TAB1: variants seen among roughly 807,000 people sequenced by gnomAD.
TAB1 encodes TGF-beta activated kinase 1 (MAP3K7) binding protein 1.
Under a neutral mutation model 54.5 loss-of-function variants are expected in TAB1, and 30 were observed. That is an observed-to-expected ratio of 0.55 (90% CI 0.41 to 0.75). TAB1 has a LOEUF of 0.75. Ranked by LOEUF, TAB1 falls within the 30% of genes least tolerant of loss-of-function variation. The pLI, the probability that TAB1 is intolerant of heterozygous loss-of-function variation, is 0.00. For synonymous variants in TAB1, 289 were observed against 286.9 expected, an observed-to-expected ratio of 1.01 and a Z score of -0.07; for missense variants, 609 against 683.2, an observed-to-expected ratio of 0.89 and a Z score of 1.21.
In TAB1 at chr22:39,415,145, G is replaced by A. The variant is rs1450939486; in HGVS notation, c.170+3G>A. On this transcript the variant is annotated splice_donor_region_variant and intron_variant, in intron 2 of 10. Coordinates refer to ENST00000216160, the MANE Select transcript of TAB1 (RefSeq NM_006116.3). The surrounding 1 kb of genome is among the most constrained non-coding windows in gnomAD (Gnocchi z 4.9). ...GAGGACAGCTGGCTCAAGTTCAGGT[G>A]TGTGTGCCAGCATTTCTGTGTTGGG... The A allele has an allele frequency of 1.3e-6, 2 of 1,573,528 alleles. No homozygotes were observed. Among genetic ancestry groups the A allele is most frequent in the South Asian group, 1.2e-5 (1 of 86,804 alleles).
chr22:39,409,603 TC>T (rs1926521828), intron 1 of TAB1, among the ~76,000 whole-genome samples: 1 of 152,194 alleles, frequency 6.6e-6, no homozygotes, highest in South Asian at 2.1e-4. Flanking sequence ...CTTTTTACGT[TC>T]CGCTCCCTCT....
chr22:39,410,177 A>AGC (rs2145661084), intron 1 of TAB1, among the ~76,000 whole-genome samples: 1 of 152,228 alleles, frequency 6.6e-6, no homozygotes, highest in African/African-American at 2.4e-5. Context: ...GTGTGATCTC[A>AGC]GCTCACTGCA....
intron 1 of TAB1, among the ~76,000 whole-genome samples, chr22:39,400,396 C>T (rs2037653554): frequency 6.6e-6 from 1 of 152,172 alleles, no homozygotes; most frequent in South Asian, 2.1e-4. Flanking sequence ...CCAGAAACCC[C>T]CTTAACCCCT....
At chr22:39,401,144 A>G (rs1011734702) in intron 1 of TAB1, among the ~76,000 whole-genome samples, 19 of 152,134 alleles carry the variant, frequency 1.2e-4, no homozygotes, top group African/African-American at 4.6e-4. Context: ...TGGGCACTCA[A>G]TAAATACATT....
chr22:39,433,687 C>G, downstream of TAB1: 1 of 984,570 alleles, frequency 1.0e-6, no homozygotes, highest in Middle Eastern at 5.2e-4. Context: ...AGAGCAGGCT[C>G]CCCACGATGC....
At chr22:39,425,559 CT>C (rs112880620) in intron 8 of TAB1, among the ~76,000 whole-genome samples, 284 of 144,330 alleles carry the variant, frequency 2.0e-3, no homozygotes, top group East Asian at 6.4e-3. Flanking sequence ...TTTTTCTTTT[CT>C]TTTTTTTTTT....
At position 39,426,930 on chromosome 22, in the gene TAB1, G is replaced by A. The variant is rs779339819; in HGVS notation, c.1144+5G>A. The stretch of plus-strand genomic sequence containing the variant: ...CCACACCGAGCCCAGCCCCAGGTAC[G>A]TGTGCTGTGCAGACAGGCAGTGCCT... On this transcript the variant is annotated splice_donor_5th_base_variant and intron_variant, in intron 9 of 10. Transcript: ENST00000216160. The A allele has an allele frequency of 1.2e-5, 20 of 1,609,546 alleles. No homozygotes were observed. The East Asian group carries it at 2.2e-4, about 18-fold the overall frequency.
downstream of TAB1, chr22:39,432,964 C>T (rs1488386241): frequency 2.0e-5 from 20 of 985,284 alleles, no homozygotes; most frequent in Admixed American, 1.2e-3. Flanking sequence ...AATGGCACAG[C>T]GAGGCGAAGC....
downstream of TAB1, chr22:39,432,800 A>G (rs1283400261): frequency 1.1e-5 from 11 of 985,074 alleles, no homozygotes; most frequent in African/African-American, 1.8e-4. Context: ...TGTTGACTTT[A>G]TGTCCCCTGT....
At position 39,421,942 on chromosome 22, in the gene TAB1, G is replaced by A. The variant is rs1927109175; in HGVS notation, c.892G>A (p.Ala298Thr). ...MSEGLYKALE[A>T]AHGPGQANQE... Reference sequence around the variant, plus strand: ...GGAGGGGTTGTACAAGGCCCTAGAGGCAGCCCATGGGCCTGGGCAGGCCAA... The same window carrying A: ...GGAGGGGTTGTACAAGGCCCTAGAGACAGCCCATGGGCCTGGGCAGGCCAA... Residue 298 changes from alanine to threonine, a missense_variant, in exon 8 of 11, where the codon GCA becomes ACA. By Grantham distance (58) the Ala-to-Thr change is moderately conservative (BLOSUM62 0). Transcript: ENST00000216160. The A allele has an allele frequency of 1.3e-6, 2 of 1,597,184 alleles. No homozygotes were observed. Among genetic ancestry groups the A allele is most frequent in the East Asian group, 2.3e-5 (1 of 44,412 alleles).
At chr22:39,417,601 A>T in intron 4 of TAB1, 110 bp from the exon 5 acceptor site, 1 of 1,119,128 alleles carries the variant, frequency 8.9e-7, no homozygotes, top group East Asian at 2.7e-5. Flanking sequence ...AGCCTGGGGG[A>T]CACAGCGAGA....
intron 6 of TAB1, among the ~76,000 whole-genome samples, chr22:39,419,297 T>A (rs954922464): frequency 6.6e-6 from 1 of 152,110 alleles, no homozygotes; most frequent in Non-Finnish European, 1.5e-5. Context: ...TGCCAGGTGG[T>A]GCCTGGAGGA....
intron 9 of TAB1, 83 bp from the exon 10 acceptor site, chr22:39,427,938 C>A: frequency 7.4e-7 from 1 of 1,352,592 alleles, no homozygotes; most frequent in Non-Finnish European, 1.0e-6. Context: ...ACCACCCCAT[C>A]AGGCCATGGA....
chr22:39,401,224 C>T (rs1926130727), intron 1 of TAB1, among the ~76,000 whole-genome samples: 1 of 152,186 alleles, frequency 6.6e-6, no homozygotes, highest in African/African-American at 2.4e-5. Flanking sequence ...GGTGAGTAGA[C>T]ATTGGCTCAG....
downstream of TAB1, chr22:39,432,846 G>A (rs1300136865): frequency 5.8e-5 from 57 of 985,296 alleles, no homozygotes; most frequent in Non-Finnish European, 6.7e-5. Flanking sequence ...ACTTGAGCCT[G>A]TCTCCTGGAG....
chr22:39,428,776 A>G (rs7292457), intron 10 of TAB1, among the ~76,000 whole-genome samples: 10,813 of 152,230 alleles, frequency 0.071, 1,326 homozygotes, highest in African/African-American at 0.25. Flanking sequence ...AATGATAGAG[A>G]TGCCACACCC....
chr22:39,415,712 G>T lies in TAB1; in HGVS notation c.324+59G>T. The T allele has an allele frequency of 6.4e-7, 1 of 1,570,728 alleles. No homozygotes were observed. Among genetic ancestry groups the T allele is most frequent in the South Asian group, 1.1e-5 (1 of 88,038 alleles). ...CATCATGTCCCCCACCCCAAGGCTT[G>T]GGCCCTGCACCTCTAGCATGTTGCC... On this transcript the variant is annotated intron_variant, in intron 3 of 10. Coordinates refer to ENST00000216160, the MANE Select transcript of TAB1 (RefSeq NM_006116.3). This position sits in a 1 kb window ranked among gnomAD's most constrained non-coding sequence, Gnocchi z 4.9.
intron 1 of TAB1, among the ~76,000 whole-genome samples, chr22:39,405,473 C>A (rs373988232): frequency 6.6e-6 from 1 of 152,242 alleles, no homozygotes; most frequent in Non-Finnish European, 1.5e-5. Flanking sequence ...AGTGGCTCCG[C>A]GATGAGGCTG....
intron 1 of TAB1, among the ~76,000 whole-genome samples, chr22:39,414,282 A>G (rs891536758): frequency 1.2e-4 from 18 of 152,166 alleles, no homozygotes; most frequent in African/African-American, 3.6e-4. Context: ...GGCAAAGAGC[A>G]GGGGATGGAC....
Sources: gnomAD v4.1 joint callset for allele counts (sites outside exome capture counted in the v4.1 genomes callset) on GRCh38, gnomAD v4.1.1 for gene constraint, Gnocchi (gnomAD v3.1) non-coding constraint, MANE v1.5 for transcripts, NCBI Gene and HGNC (gene_info 2026-07-23, HGNC 2026-07-21) for gene names.